The following ARHGEF1 variants were observed in gnomAD, a reference collection of about 807,000 sequenced individuals.
ARHGEF1 encodes 115 kDa guanine nucleotide exchange factor.
In ARHGEF1, 40 loss-of-function variants were observed where a neutral mutation model predicts 119.7. The ratio of observed to expected loss-of-function variants is 0.33; its 90% CI spans 0.26 to 0.44. ARHGEF1 has a LOEUF of 0.44. Ranked by LOEUF, ARHGEF1 falls within the 20% of genes least tolerant of loss-of-function variation. The pLI is 1.00. For synonymous variants in ARHGEF1, 494 were observed against 521.0 expected (o/e 0.95, Z 0.71); for missense variants, 976 against 1,268.3 (o/e 0.77, Z 3.50).
intron 13 of ARHGEF1, chr19:41,898,056 A>C: frequency 7.4e-7 from 1 of 1,346,472 alleles, no homozygotes; most frequent in Non-Finnish European, 9.5e-7. Flanking sequence ...TCCCGGAGCG[A>C]CGTGGACATG....
At position 41,889,023 on chromosome 19, in the gene ARHGEF1, C is replaced by T; in HGVS notation, c.225+158C>T. The T allele has an allele frequency of 1.5e-6, 1 of 656,968 alleles. No homozygotes were observed. The highest frequency in any genetic ancestry group is 1.8e-5 in the African/African-American group (1 of 54,892). 40.7% of individuals were successfully genotyped at this position (656,968 alleles called of 1,614,324 possible). ...AAAGAGAGAATGCTTTAGACAAGAG[C>T]CAGAAAGCATGCCACGTGACCTCAA... On this transcript the variant is annotated intron_variant, in intron 4 of 28. Coordinates refer to ENST00000354532, the MANE Select transcript of ARHGEF1 (RefSeq NM_004706.4). The surrounding 1 kb of genome is among the most constrained non-coding windows in gnomAD (Gnocchi z 4.0).
chr19:41,897,982 G>T, intron 13 of ARHGEF1: 1 of 1,326,470 alleles, frequency 7.5e-7, no homozygotes, highest in Middle Eastern at 2.1e-4. Flanking sequence ...AGAGCCTGCG[G>T]GTGAGTGACC....
chr19:41,922,022 A>T (rs1055734475), upstream of ARHGEF1, among the ~76,000 whole-genome samples: 6 of 146,096 alleles, frequency 4.1e-5, no homozygotes, highest in Non-Finnish European at 3.0e-5. Context: ...CTCACTCCAC[A>T]TCGGGCCCCA....
upstream of ARHGEF1, among the ~76,000 whole-genome samples, chr19:41,922,368 G>C (rs1167287825): frequency 2.0e-5 from 3 of 152,218 alleles, no homozygotes; most frequent in African/African-American, 7.2e-5. Flanking sequence ...AGGGCAAAGA[G>C]ACAGGGTCAG....
chr19:41,928,224 G>C (rs1474479613), intron 1 of ARHGEF1: 1 of 152,054 alleles, frequency 6.6e-6, no homozygotes, highest in Non-Finnish European at 1.5e-5. Context: ...CTGAGACGCC[G>C]GGACAGGAGA....
chr19:41,908,359 C>T (rs1423703706), downstream of ARHGEF1: 1 of 1,231,352 alleles, frequency 8.1e-7, no homozygotes, highest in Non-Finnish European at 1.0e-6. The surrounding 1 kb of genome is among the most constrained non-coding windows in gnomAD (Gnocchi z 6.7). Context: ...TCCTTCCCAC[C>T]AAGGGCAGCC....
At chr19:41,884,327 CGGCAGGAGCCGGGCTAGAGCGGCT>C (rs1463942063) in intron 1 of ARHGEF1, 19 of 1,279,146 alleles carry the variant, frequency 1.5e-5, no homozygotes, top group Middle Eastern at 5.3e-4. Context: ...GGCCGGAGCC[CGGCAGGAGCCGGGCTAGAGCGGCT>C]GGCAGGAGGA....
intron 13 of ARHGEF1, chr19:41,897,998 C>T (rs910665863): frequency 1.3e-5 from 17 of 1,326,116 alleles, no homozygotes; most frequent in East Asian, 3.0e-5. Flanking sequence ...TGACCGCCGC[C>T]GGCCTTCCCG....
rs782037168 is a variant in ARHGEF1, at chr19:41,906,008, C to T, written c.2474C>T (p.Ala825Val). The change falls in exon 26 of 29, where the codon GCC (alanine) becomes GTC (valine). Residue 825 changes from alanine (A) to valine (V), a missense_variant. Physicochemically the swap from Ala to Val is moderately conservative, Grantham distance 64 (BLOSUM62 0). This residue lies in a region of ARHGEF1 where 171 missense variants were observed against 180.6 expected (regional missense o/e 0.95). Coordinates refer to ENST00000354532, the MANE Select transcript of ARHGEF1 (RefSeq NM_004706.4). The surrounding 1 kb of genome is among the most constrained non-coding windows in gnomAD (Gnocchi z 4.5). ...CRPGPEGQLA[A>V]TALRKVLSLK... The stretch of plus-strand genomic sequence containing the variant: ...CCAGGCCCCGAGGGCCAGCTCGCTG[C>T]CACGGCCCTTCGGAAAGGTAGCCCA... 6 of 1,614,022 alleles carry T rather than the reference C, an allele frequency of 3.7e-6. No individual in the cohort carries two copies. Among genetic ancestry groups the T allele is most frequent in the Non-Finnish European group, 4.2e-6 (5 of 1,179,970 alleles).
At position 41,903,075 on chromosome 19, in the gene ARHGEF1, G is replaced by T. The variant is rs1555849391; in HGVS notation, c.1738+177G>T. ...TGGGACCCCAAGGGCACACCACCATGCCCAGCTAATTTTTTTAGTTTTTTT... is the reference window on the plus strand; with the variant it reads ...TGGGACCCCAAGGGCACACCACCATTCCCAGCTAATTTTTTTAGTTTTTTT... On this transcript the variant is annotated intron_variant, in intron 18 of 28. Coordinates refer to ENST00000354532, the MANE Select transcript of ARHGEF1 (RefSeq NM_004706.4). This position sits in a 1 kb window ranked among gnomAD's most constrained non-coding sequence, Gnocchi z 4.2. 2.0e-5 allele frequency among the ~76,000 whole-genome samples: 3 copies of T among 151,352 alleles called. No individual in the cohort carries two copies. The highest frequency in any genetic ancestry group is 1.5e-5 in the Non-Finnish European group (1 of 67,920).
At position 41,898,375 on chromosome 19, in the gene ARHGEF1, C is replaced by CT. The variant is rs782149873; in HGVS notation, c.1122-66dup. 1.0e-3 allele frequency: 1,583 copies of CT among 1,548,214 alleles called. 1 individual carries two copies. Among genetic ancestry groups the CT allele is most frequent in the Non-Finnish European group, 1.2e-3 (1,358 of 1,146,282 alleles). ...AGGCCACTGACCGGGGTTGAACGCT[C>CT]TAAGAGGCTGAAGGCTGCTTCTTGG... is the stretch of plus-strand genomic sequence containing the variant. On this transcript the variant is annotated intron_variant, in intron 13 of 28. Coordinates refer to ENST00000354532, the MANE Select transcript of ARHGEF1 (RefSeq NM_004706.4).
At position 41,916,506 on chromosome 19, in the gene ARHGEF1, TCA is replaced by T. The variant is rs1555851955; in HGVS notation, c.1866-6581_1866-6580del. ...ACACACATGACACATCAATTCAATC[TCA>T]CACAGAAACAAAGACACAAAATCAC... On this transcript the variant is annotated intron_variant, in intron 18 of 20. Coordinates refer to the ARHGEF1 transcript ENST00000599589. This position sits in a 1 kb window ranked among gnomAD's most constrained non-coding sequence, Gnocchi z 5.4. Among the ~76,000 whole-genome samples, 2 of 151,034 alleles carry T rather than the reference TCA, an allele frequency of 1.3e-5. No homozygotes were observed. Among genetic ancestry groups the T allele is most frequent in the African/African-American group, 4.9e-5 (2 of 40,964 alleles).
rs2074810841 is a variant in ARHGEF1 at position 41,917,768 on chromosome 19, G to C, written c.1866-5324G>C. 6.6e-6 allele frequency among the ~76,000 whole-genome samples: 1 copy of C among 151,742 alleles called. No individual in the cohort carries two copies. The highest frequency in any genetic ancestry group is 1.5e-5 in the Non-Finnish European group (1 of 67,936). The stretch of plus-strand genomic sequence containing the variant: ...GTAGGACACATCTGTGCACACAGTA[G>C]AGACCCACAGTGACACCCACTAGTA... On this transcript the variant is annotated intron_variant, in intron 18 of 20. Coordinates refer to the ARHGEF1 transcript ENST00000599589. This position sits in a 1 kb window ranked among gnomAD's most constrained non-coding sequence, Gnocchi z 4.8.
chr19:41,921,638 TGGGA>T (rs2074842833), upstream of ARHGEF1, among the ~76,000 whole-genome samples: 1 of 151,250 alleles, frequency 6.6e-6, no homozygotes, highest in Non-Finnish European at 1.5e-5. The surrounding 1 kb of genome is among the most constrained non-coding windows in gnomAD (Gnocchi z 4.4). Context: ...GACCCTGGGT[TGGGA>T]GGAAGGAGAG....
In ARHGEF1 at chr19:41,888,926, C is replaced by T. The variant is rs1016609835; in HGVS notation, c.225+61C>T. 23 of 1,423,020 alleles carry T rather than the reference C, an allele frequency of 1.6e-5. No individual in the cohort carries two copies. Among genetic ancestry groups the T allele is most frequent in the Non-Finnish European group, 2.1e-5 (22 of 1,032,220 alleles). 88.1% of individuals were successfully genotyped at this position (1,423,020 alleles called of 1,614,324 possible). ...GGGCTGGGACAGGCACAGCTTTTAGCGAATTAAACCAGCGAGCTAGTGCCT... is the reference window on the plus strand; with the variant it reads ...GGGCTGGGACAGGCACAGCTTTTAGTGAATTAAACCAGCGAGCTAGTGCCT... On this transcript the variant is annotated intron_variant, in intron 4 of 28. Transcript: ENST00000354532. This position sits in a 1 kb window ranked among gnomAD's most constrained non-coding sequence, Gnocchi z 5.1.
At chr19:41,909,242 G>A (rs1377935811), downstream of ARHGEF1, 47 of 1,231,324 alleles carry the variant, frequency 3.8e-5, no homozygotes, top group Non-Finnish European at 4.7e-5. The surrounding 1 kb of genome is among the most constrained non-coding windows in gnomAD (Gnocchi z 5.2). Context: ...GGCACCAAGT[G>A]CCTCGGTTCC....
Position 41,917,399 on chromosome 19 carries a change from C to T in ARHGEF1, c.1866-5693C>T, listed in dbSNP as rs1334236108. ...GGTTTAACCAGTTGTTTTGATTTCT[C>T]TAAGCTGCGCCGGCCGCCTCGGGAG... On this transcript the variant is annotated intron_variant, in intron 18 of 20. Transcript: ENST00000599589. The surrounding 1 kb of genome is among the most constrained non-coding windows in gnomAD (Gnocchi z 4.8). Among the ~76,000 whole-genome samples the T allele has an allele frequency of 6.6e-6, 1 of 152,036 alleles. No homozygotes were observed. Among genetic ancestry groups the T allele is most frequent in the Middle Eastern group, 3.2e-3 (1 of 316 alleles).
In ARHGEF1 at chr19:41,916,023, T is replaced by C. The variant is rs1483051166; in HGVS notation, c.1866-7069T>C. On this transcript the variant is annotated intron_variant, in intron 18 of 20. Transcript: ENST00000599589. This position sits in a 1 kb window ranked among gnomAD's most constrained non-coding sequence, Gnocchi z 5.4. ...TTTATTTTGCTTCCTCCACCCCCCC[T>C]TCGCCCCCCATCTCTACCGCCCGCA... Among the ~76,000 whole-genome samples the C allele has an allele frequency of 2.3e-5, 3 of 131,000 alleles. No individual in the cohort carries two copies. Among genetic ancestry groups the C allele is most frequent in the Non-Finnish European group, 3.2e-5 (2 of 62,328 alleles). 85.9% of individuals were successfully genotyped at this position (131,000 alleles called of 152,430 possible). A position where few individuals can be genotyped will look rare whatever the true frequency, so the allele number is the denominator to read the frequency against.
At position 41,895,380 on chromosome 19, in the gene ARHGEF1, A is replaced by T; in HGVS notation, c.909A>T (p.Gly303=). ...AGCCAGGTGCTACAGACCGGAAGGGAGGCGTGGGGATGCCCTCTCGGGACC... is the reference window on the plus strand; with the variant it reads ...AGCCAGGTGCTACAGACCGGAAGGGTGGCGTGGGGATGCCCTCTCGGGACC... ...AEKPGATDRK[G]GVGMPSRDRN... is the part of the protein sequence containing the mutation. Residue 303 remains glycine (G), a synonymous_variant, in exon 12 of 29, where the codon GGA becomes GGT. Coordinates refer to ENST00000354532, the MANE Select transcript of ARHGEF1 (RefSeq NM_004706.4). 6.2e-7 allele frequency: 1 copy of T among 1,611,782 alleles called. No homozygotes were observed. Among genetic ancestry groups the T allele is most frequent in the Non-Finnish European group, 8.5e-7 (1 of 1,179,154 alleles).
Sources: gnomAD v4.1 joint callset for allele counts (sites outside exome capture counted in the v4.1 genomes callset) on GRCh38, gnomAD v4.1.1 for gene constraint, gnomAD v4.1.1 regional missense constraint, Gnocchi (gnomAD v3.1) non-coding constraint, MANE v1.5 for transcripts, NCBI Gene and HGNC (gene_info 2026-07-23, HGNC 2026-07-21) for gene names.